The following ZNF280D variants were observed in gnomAD, a reference collection of about 807,000 sequenced individuals.
The protein encoded by ZNF280D is zinc finger protein 280D.
Under a neutral mutation model 94.7 loss-of-function variants are expected in ZNF280D, and 39 were observed. The ratio of observed to expected loss-of-function variants is 0.41; its 90% confidence interval spans 0.32 to 0.54. The LOEUF (loss-of-function observed/expected upper bound fraction) is 0.54. Ranked by LOEUF, ZNF280D falls within the 20% of genes least tolerant of loss-of-function variation. The pLI is 0.22. For missense variants in ZNF280D, 1,090 were observed against 1,149.3 expected (o/e 0.95, Z 0.75); for synonymous variants, 398 against 377.6 (o/e 1.05, Z -0.63).
At chr15:56,667,028 G>C in intron 14 of ZNF280D, 42 bp from the exon 15 acceptor site, 1 of 1,336,220 alleles carries the variant, frequency 7.5e-7, no homozygotes, top group South Asian at 1.8e-5. Flanking sequence ...AGATTAATCA[G>C]TACATTAATA....
intron 12 of ZNF280D, 70 bp from the exon 13 acceptor site, chr15:56,676,886 G>C (rs2055268082): frequency 1.7e-6 from 2 of 1,194,906 alleles, no homozygotes; most frequent in African/African-American, 1.5e-5. Flanking sequence ...AAGGAACAAT[G>C]ATGGATAATT....
chr15:56,718,314 T>TA (rs1188491695), intron 1 of ZNF280D, among the ~76,000 whole-genome samples: 1 of 151,858 alleles, frequency 6.6e-6, no homozygotes, highest in Non-Finnish European at 1.5e-5. Flanking sequence ...GTATATTCTT[T>TA]AAAAAAAAGT....
intron 9 of ZNF280D, chr15:56,688,830 T>C (rs1372549674): frequency 6.4e-6 from 2 of 312,716 alleles, no homozygotes; most frequent in Non-Finnish European, 1.2e-5. Flanking sequence ...ACAATAAGCA[T>C]ACATTATAAT....
intron 14 of ZNF280D, chr15:56,667,880 T>C (rs2054402609): frequency 5.5e-6 from 1 of 182,330 alleles, no homozygotes; most frequent in Non-Finnish European, 1.2e-5. Context: ...CAACAGAATG[T>C]ATGAAAAAGT....
intron 1 of ZNF280D, among the ~76,000 whole-genome samples, chr15:56,707,927 T>C (rs2057513659): frequency 6.6e-6 from 1 of 151,866 alleles, no homozygotes; most frequent in African/African-American, 2.4e-5. Flanking sequence ...GCTTTAAAAA[T>C]GCTGTTAGAA....
chr15:56,670,856 T>C (rs2054815426), intron 13 of ZNF280D, among the ~76,000 whole-genome samples: 1 of 151,978 alleles, frequency 6.6e-6, no homozygotes, highest in Non-Finnish European at 1.5e-5. Context: ...TATTTTTTTA[T>C]CTTTTAATAA....
chr15:56,731,887 T>A (rs2058910831), intron 1 of ZNF280D, among the ~76,000 whole-genome samples: 1 of 152,122 alleles, frequency 6.6e-6, no homozygotes, highest in Non-Finnish European at 1.5e-5. Flanking sequence ...AATAAAAATA[T>A]AAAAGCCAGG....
intron 13 of ZNF280D, among the ~76,000 whole-genome samples, chr15:56,672,757 C>G (rs2054957450): frequency 6.6e-6 from 1 of 151,988 alleles, no homozygotes; most frequent in South Asian, 2.1e-4. Context: ...TACTGGCATA[C>G]AGCAAGCACT....
chr15:56,650,599 A>C (rs2053153751), intron 19 of ZNF280D, among the ~76,000 whole-genome samples: 2 of 152,188 alleles, frequency 1.3e-5, no homozygotes, highest in African/African-American at 4.8e-5. Context: ...ATTCAACAAT[A>C]AAATAGGCAA....
chr15:56,659,063 C>T (rs1355774952), intron 16 of ZNF280D, among the ~76,000 whole-genome samples: 1 of 150,720 alleles, frequency 6.6e-6, no homozygotes, highest in Non-Finnish European at 1.5e-5. Flanking sequence ...CTATGTTGCC[C>T]AGTTGGAATC....
At chr15:56,698,981 A>G (rs2056905012) in intron 6 of ZNF280D, 1 of 152,166 alleles carries the variant, frequency 6.6e-6, no homozygotes, top group Admixed American at 6.5e-5. Context: ...CAGAAAACCC[A>G]CCTAAGCCAT....
At chr15:56,715,967 T>C (rs559660173) in intron 1 of ZNF280D, among the ~76,000 whole-genome samples, 4 of 152,302 alleles carry the variant, frequency 2.6e-5, no homozygotes, top group African/African-American at 9.6e-5. Flanking sequence ...AGCATTTACT[T>C]TGTATTAGGT....
In ZNF280D at chr15:56,654,365, GC is replaced by G; in HGVS notation, c.2176+19del. 6.3e-7 allele frequency: 1 copy of G among 1,599,474 alleles called. No individual in the cohort carries two copies. Among genetic ancestry groups the G allele is most frequent in the Non-Finnish European group, 8.5e-7 (1 of 1,175,920 alleles). ...GAATAAAAGTCAAAAATCTAAAGTA[GC>G]ACAGTTACATATACGTACCTTTCTG... On this transcript the variant is annotated intron_variant, in intron 18 of 21. Coordinates refer to ENST00000267807, the MANE Select transcript of ZNF280D (RefSeq NM_017661.4).
intron 6 of ZNF280D, chr15:56,699,807 C>T (rs1446180896): frequency 1.9e-5 from 3 of 154,856 alleles, no homozygotes; most frequent in Non-Finnish European, 4.3e-5. Context: ...AAAAAACACA[C>T]ATTCAAGTGT....
chr15:56,662,253 G>A (rs1385475192), intron 16 of ZNF280D, among the ~76,000 whole-genome samples: 4 of 150,902 alleles, frequency 2.7e-5, no homozygotes, highest in African/African-American at 9.8e-5. Flanking sequence ...AAGCCAATAA[G>A]GTACAATAAT....
At chr15:56,665,174 G>T (rs2054201905) in intron 16 of ZNF280D, among the ~76,000 whole-genome samples, 1 of 152,118 alleles carries the variant, frequency 6.6e-6, no homozygotes, top group Non-Finnish European at 1.5e-5. Flanking sequence ...ACCAAAAAAG[G>T]TAGAAGAATC....
intron 6 of ZNF280D, chr15:56,699,709 C>G (rs1328148515): frequency 2.4e-6 from 1 of 411,008 alleles, no homozygotes; most frequent in Non-Finnish European, 3.3e-6. Flanking sequence ...AATTCAATCA[C>G]ACAAGTGCTT....
chr15:56,645,580 C>G (rs890819879), intron 19 of ZNF280D, among the ~76,000 whole-genome samples: 2 of 152,100 alleles, frequency 1.3e-5, no homozygotes, highest in Non-Finnish European at 2.9e-5. Context: ...GAGTTTCGTT[C>G]TTGTTGCCCA....
At chr15:56,687,679 A>G (rs2056121507) in intron 9 of ZNF280D, among the ~76,000 whole-genome samples, 1 of 152,174 alleles carries the variant, frequency 6.6e-6, no homozygotes, top group Non-Finnish European at 1.5e-5. Flanking sequence ...TTCTTCATCT[A>G]TAATGCAAAA....
Sources: gnomAD v4.1 joint callset for allele counts (sites outside exome capture counted in the v4.1 genomes callset) on GRCh38, gnomAD v4.1.1 for gene constraint, MANE v1.5 for transcripts, NCBI Gene and HGNC (gene_info 2026-07-23, HGNC 2026-07-21) for gene names.